NBAS: variants seen among roughly 807,000 people sequenced by gnomAD.
The protein encoded by NBAS is NBAS subunit of NRZ tethering complex.
A neutral mutation model predicts 302.5 loss-of-function variants in NBAS; 219 were observed. The observed-to-expected ratio is 0.72, with a 90% CI of 0.65 to 0.81. The LOEUF (loss-of-function observed/expected upper bound fraction) is 0.81. Ranked by LOEUF, NBAS falls within the 30% of genes least tolerant of loss-of-function variation. The pLI, the probability that NBAS is intolerant of heterozygous loss-of-function variation, is 0.00. For missense variants in NBAS, 2,932 were observed against 2,841.6 expected, an observed-to-expected ratio of 1.03 and a Z score of -0.72; for synonymous variants, 1,118 against 1,021.6, an observed-to-expected ratio of 1.09 and a Z score of -1.80.
chr2:15,554,702 G>A (rs779589719), intron 3 of NBAS, among the ~76,000 whole-genome samples: 3 of 150,596 alleles, frequency 2.0e-5, no homozygotes, highest in Non-Finnish European at 4.4e-5. Context: ...TCAAATGACT[G>A]CACCAGGTCA....
the NBAS span, among the ~76,000 whole-genome samples, chr2:14,993,319 C>A: frequency 1.3e-5 from 2 of 152,000 alleles, no homozygotes; most frequent in African/African-American, 2.4e-5. Flanking sequence ...TATTTTTTTT[C>A]ATTTCTACCA....
intron 11 of NBAS, among the ~76,000 whole-genome samples, chr2:15,490,722 C>A (rs1680819556): frequency 6.6e-6 from 1 of 152,198 alleles, no homozygotes; most frequent in Non-Finnish European, 1.5e-5. Flanking sequence ...AAAATCTGAA[C>A]TAGAATGTGG....
chr2:15,223,397 C>T (rs560214071), intron 47 of NBAS, among the ~76,000 whole-genome samples: 12 of 151,536 alleles, frequency 7.9e-5, no homozygotes, highest in South Asian at 4.2e-4. Context: ...GGTAAAAAAC[C>T]GCAATTATAA....
chr2:15,094,121 T>C, the NBAS span, among the ~76,000 whole-genome samples: 2 of 152,208 alleles, frequency 1.3e-5, no homozygotes, highest in Admixed American at 6.5e-5. Flanking sequence ...ATGGCTCTCC[T>C]TTGAAACATG....
At chr2:14,879,607 A>G in the NBAS span, among the ~76,000 whole-genome samples, 952 of 152,312 alleles carry the variant, frequency 6.3e-3, 1 homozygote, top group Non-Finnish European at 0.01. Flanking sequence ...GGAAGACTTC[A>G]TTTCTCAGTT....
At chr2:15,520,066 G>A (rs535175807) in intron 9 of NBAS, among the ~76,000 whole-genome samples, 5 of 152,130 alleles carry the variant, frequency 3.3e-5, no homozygotes, top group Non-Finnish European at 5.9e-5. Flanking sequence ...AGTGGTACTC[G>A]GCTATAATTT....
intron 28 of NBAS, among the ~76,000 whole-genome samples, chr2:15,390,387 T>C: frequency 6.6e-6 from 1 of 152,300 alleles, no homozygotes; most frequent in East Asian, 1.9e-4. Flanking sequence ...ACATGTAAAA[T>C]TTTTAAAAAT....
Position 15,199,605 on chromosome 2 carries a change from AATG to A in NBAS, c.6433-9205_6433-9203del, listed in dbSNP as rs1665783517. Reference sequence around the variant, plus strand: ...AACATATCTCACTACAGGAATTATAAATGATAATAGGTAAATTTGATTAATACA... The same window carrying A: ...AACATATCTCACTACAGGAATTATAAATAATAGGTAAATTTGATTAATACA... On this transcript the variant is annotated intron_variant, in intron 48 of 51. Transcript: ENST00000281513. 2.6e-5 allele frequency among the ~76,000 whole-genome samples: 4 copies of A among 152,296 alleles called. No homozygotes were observed. The South Asian group carries it at 8.3e-4, about 32-fold the overall frequency.
At chr2:15,458,932 T>A (rs1679378190) in intron 21 of NBAS, among the ~76,000 whole-genome samples, 1 of 152,220 alleles carries the variant, frequency 6.6e-6, no homozygotes, top group Non-Finnish European at 1.5e-5. Context: ...CTAAACAACA[T>A]ATCCCCAAAC....
chr2:15,556,235 A>C (rs979107283), intron 3 of NBAS, among the ~76,000 whole-genome samples: 4 of 152,216 alleles, frequency 2.6e-5, no homozygotes, highest in Non-Finnish European at 5.9e-5. Flanking sequence ...CAATCTATGT[A>C]AATAATTCTA....
intron 25 of NBAS, among the ~76,000 whole-genome samples, chr2:15,410,952 G>C (rs1676655622): frequency 1.3e-5 from 2 of 152,208 alleles, no homozygotes; most frequent in African/African-American, 4.8e-5. Flanking sequence ...TGGGATCCCA[G>C]TGCTGCAGCT....
At chr2:15,229,305 C>T (rs888364197) in intron 47 of NBAS, among the ~76,000 whole-genome samples, 1 of 120,818 alleles carries the variant, frequency 8.3e-6, no homozygotes, top group African/African-American at 3.2e-5. Flanking sequence ...CCCATCACTG[C>T]ATTCTGGCCT....
the NBAS span, among the ~76,000 whole-genome samples, chr2:15,089,852 G>A: frequency 1.2e-4 from 17 of 145,384 alleles, no homozygotes; most frequent in African/African-American, 2.6e-4. Flanking sequence ...AGGTTCCAGC[G>A]ATTCTCCTGC....
Position 15,378,129 on chromosome 2 carries a change from A to G in NBAS, c.3590+1473T>C, listed in dbSNP as rs561524033. Among the ~76,000 whole-genome samples the G allele has an allele frequency of 3.9e-5, 6 of 152,334 alleles. No individual in the cohort carries two copies. The South Asian group carries it at 1.2e-3, about 32-fold the overall frequency. ...TTTCTTCAGTTTATTTGATCAAGAAACAAAAACTGAGAGATTACATGACAA... is the reference window on the plus strand; with the variant it reads ...TTTCTTCAGTTTATTTGATCAAGAAGCAAAAACTGAGAGATTACATGACAA... On this transcript the variant is annotated intron_variant, in intron 30 of 51. Transcript: ENST00000281513.
chr2:15,492,714 G>C (rs1341851394), intron 11 of NBAS, among the ~76,000 whole-genome samples: 1 of 152,080 alleles, frequency 6.6e-6, no homozygotes, highest in African/African-American at 2.4e-5. Context: ...GCCTGCCTCG[G>C]CCTCCCAAAG....
At chr2:14,856,179 T>C in the NBAS span, among the ~76,000 whole-genome samples, 1 of 152,144 alleles carries the variant, frequency 6.6e-6, no homozygotes, top group Non-Finnish European at 1.5e-5. Flanking sequence ...TTCTCCCAGA[T>C]CTTGTCCAAG....
chr2:15,065,864 A>G, the NBAS span, among the ~76,000 whole-genome samples: 1 of 152,166 alleles, frequency 6.6e-6, no homozygotes, highest in African/African-American at 2.4e-5. Context: ...AATCCCAATG[A>G]CATTTTTTAC....
chr2:15,497,455 G>A (rs1334998234), intron 11 of NBAS, among the ~76,000 whole-genome samples: 1 of 152,176 alleles, frequency 6.6e-6, no homozygotes, highest in African/African-American at 2.4e-5. Flanking sequence ...TAGATGGGGG[G>A]ATGAAGGACT....
At position 15,327,775 on chromosome 2, in the gene NBAS, T is replaced by C; in HGVS notation, c.4557A>G (p.Lys1519=). ...CTTCAGTTGTTGGAAATACTTCTCC[T>C]TTATTTTTAGCCTCTGCCAATTTTC... The part of the protein sequence containing the change: ...RTGKLAEAKN[K]GEVFPTTEVL... Residue 1519 remains lysine (K), a synonymous_variant, in exon 38 of 52, where the codon AAA becomes AAG. Transcript: ENST00000281513. The C allele has an allele frequency of 1.2e-6, 2 of 1,613,768 alleles. No homozygotes were observed. The highest frequency in any genetic ancestry group is 1.7e-6 in the Non-Finnish European group (2 of 1,179,748).
Sources: gnomAD v4.1 joint callset for allele counts (sites outside exome capture counted in the v4.1 genomes callset) on GRCh38, gnomAD v4.1.1 for gene constraint, MANE v1.5 for transcripts, NCBI Gene and HGNC (gene_info 2026-07-23, HGNC 2026-07-21) for gene names.